The following PCDH7 variants were observed in gnomAD, a reference collection of about 807,000 sequenced individuals.
PCDH7 encodes protocadherin-7.
PCDH7 carries 17 observed loss-of-function variants against 58.9 expected under a neutral mutation model. The observed-to-expected ratio is 0.29, with a 90% confidence interval of 0.20 to 0.43. The LOEUF is 0.43. Ranked by LOEUF, PCDH7 falls within the 20% of genes least tolerant of loss-of-function variation. The probability of loss-of-function intolerance (pLI) is 1.00; values close to 1 mark genes in which losing one functional copy is unlikely to be tolerated. For synonymous variants in PCDH7, 664 were observed against 616.4 expected (o/e 1.08, Z -1.14); for missense variants, 1,274 against 1,441.0 (o/e 0.88, Z 1.88).
At chr4:31,113,225 C>T (rs1389179808) in intron 3 of PCDH7, among the ~76,000 whole-genome samples, 2 of 152,046 alleles carry the variant, frequency 1.3e-5, no homozygotes, top group Non-Finnish European at 2.9e-5. Context: ...CCTGTCATTG[C>T]CCATAATAAT....
intron 3 of PCDH7, among the ~76,000 whole-genome samples, chr4:30,962,010 A>G (rs948309733): frequency 6.6e-5 from 10 of 152,120 alleles, no homozygotes; most frequent in African/African-American, 2.4e-4. Flanking sequence ...TTGGTAATCT[A>G]CTTCTCCCTT....
At chr4:31,006,929 C>T (rs890118584) in intron 3 of PCDH7, among the ~76,000 whole-genome samples, 1 of 100,538 alleles carries the variant, frequency 9.9e-6, no homozygotes, top group Non-Finnish European at 1.7e-5. Context: ...AGAAACAAGA[C>T]CTTATAGAAT....
At chr4:30,888,521 C>T (rs575859901) in intron 1 of PCDH7, among the ~76,000 whole-genome samples, 1 of 152,092 alleles carries the variant, frequency 6.6e-6, no homozygotes, top group Admixed American at 6.6e-5. Context: ...GGAACTTATA[C>T]AGACTCTAAA....
chr4:30,889,681 A>T (rs781355968), intron 1 of PCDH7, among the ~76,000 whole-genome samples: 3 of 152,152 alleles, frequency 2.0e-5, no homozygotes, highest in Admixed American at 1.3e-4. Flanking sequence ...TTCTTCATAG[A>T]TCTTGCTTTC....
At chr4:30,888,557 A>C (rs942464024) in intron 1 of PCDH7, among the ~76,000 whole-genome samples, 7 of 152,226 alleles carry the variant, frequency 4.6e-5, no homozygotes, top group African/African-American at 1.7e-4. Flanking sequence ...TTTATGTATG[A>C]AACAATTACA....
intron 3 of PCDH7, among the ~76,000 whole-genome samples, chr4:31,053,651 T>C (rs1299780154): frequency 1.3e-5 from 2 of 152,158 alleles, no homozygotes; most frequent in East Asian, 1.9e-4. Flanking sequence ...CTGAGGTCAC[T>C]GTACTCTCTT....
chr4:30,867,728 T>C (rs1735050022), intron 1 of PCDH7, among the ~76,000 whole-genome samples: 1 of 152,076 alleles, frequency 6.6e-6, no homozygotes, highest in Admixed American at 6.6e-5. Flanking sequence ...TGATGTGGAA[T>C]ATGTCTATTT....
At chr4:31,021,977 G>A (rs574320502) in intron 3 of PCDH7, among the ~76,000 whole-genome samples, 1 of 151,860 alleles carries the variant, frequency 6.6e-6, no homozygotes, top group Admixed American at 6.5e-5. Context: ...TGTACCTTTG[G>A]TTAGGTTAGG....
At chr4:30,910,502 G>A (rs1362544762) in intron 1 of PCDH7, among the ~76,000 whole-genome samples, 1 of 152,010 alleles carries the variant, frequency 6.6e-6, no homozygotes. Context: ...AGTGGGCAAA[G>A]GATATGGACA....
intron 1 of PCDH7, among the ~76,000 whole-genome samples, chr4:30,868,084 T>G (rs920897514): frequency 1.3e-5 from 2 of 151,992 alleles, no homozygotes; most frequent in African/African-American, 4.8e-5. Context: ...TTTTCAGTAG[T>G]CCTGTCAGAA....
intron 1 of PCDH7, among the ~76,000 whole-genome samples, chr4:30,806,552 C>T (rs1226969841): frequency 2.0e-5 from 3 of 152,016 alleles, no homozygotes; most frequent in African/African-American, 7.2e-5. Flanking sequence ...GATCCACCTG[C>T]CTCGGCTTCC....
intron 1 of PCDH7, among the ~76,000 whole-genome samples, chr4:30,827,886 C>G (rs1577960716): frequency 6.6e-6 from 1 of 152,018 alleles, no homozygotes; most frequent in Non-Finnish European, 1.5e-5. Flanking sequence ...AGAGGCAGAG[C>G]CTAGCAGTTA....
At chr4:30,934,547 T>C (rs898568132) in intron 2 of PCDH7, among the ~76,000 whole-genome samples, 36 of 152,156 alleles carry the variant, frequency 2.4e-4, no homozygotes, top group Non-Finnish European at 1.2e-4. Flanking sequence ...ATATTTTCTT[T>C]ATTTCTCCAT....
chr4:31,026,590 T>C (rs1754453446), intron 3 of PCDH7, among the ~76,000 whole-genome samples: 1 of 152,242 alleles, frequency 6.6e-6, no homozygotes, highest in Non-Finnish European at 1.5e-5. Flanking sequence ...AAATATGTAT[T>C]AGCATACATG....
intron 2 of PCDH7, among the ~76,000 whole-genome samples, chr4:30,933,133 T>C (rs1207056604): frequency 6.6e-6 from 1 of 151,904 alleles, no homozygotes; most frequent in African/African-American, 2.4e-5. Flanking sequence ...TTCAGGCAAT[T>C]CTCCTGCCTC....
intron 3 of PCDH7, among the ~76,000 whole-genome samples, chr4:31,094,360 T>G (rs939688972): frequency 6.6e-6 from 1 of 152,120 alleles, no homozygotes; most frequent in Non-Finnish European, 1.5e-5. Flanking sequence ...AAATGACAGA[T>G]TGCTCTATGA....
intron 1 of PCDH7, among the ~76,000 whole-genome samples, chr4:30,749,896 G>A (rs1226058057): frequency 6.6e-6 from 1 of 152,140 alleles, no homozygotes; most frequent in African/African-American, 2.4e-5. Flanking sequence ...GGATTATTAG[G>A]TGCTGTAACT....
intron 1 of PCDH7, among the ~76,000 whole-genome samples, chr4:30,856,041 C>A (rs1450410541): frequency 6.6e-6 from 1 of 151,962 alleles, no homozygotes; most frequent in Non-Finnish European, 1.5e-5. Flanking sequence ...TCCCTTGAAC[C>A]CATTTTCTTA....
intron 3 of PCDH7, among the ~76,000 whole-genome samples, chr4:31,121,392 T>A (rs1166700869): frequency 2.0e-5 from 3 of 152,192 alleles, no homozygotes; most frequent in African/African-American, 7.2e-5. Context: ...GAGATACAAA[T>A]TAGAAGAGTT....
Sources: gnomAD v4.1 joint callset for allele counts (sites outside exome capture counted in the v4.1 genomes callset) on GRCh38, gnomAD v4.1.1 for gene constraint, MANE v1.5 for transcripts, NCBI Gene and HGNC (gene_info 2026-07-23, HGNC 2026-07-21) for gene names.